Variants in ALK observed in about 807,000 individuals in gnomAD.
ALK encodes ALK receptor tyrosine kinase.
In ALK, 74 loss-of-function variants were observed where a neutral mutation model predicts 163.1. That is an observed-to-expected ratio of 0.45 (90% CI 0.38 to 0.55). ALK has a LOEUF of 0.55. Among genes scored for constraint, ALK ranks in the 20% least tolerant of loss-of-function variants. The probability of loss-of-function intolerance (pLI) is 0.00; values close to 1 mark genes in which losing one functional copy is unlikely to be tolerated. For synonymous variants in ALK, 960 were observed against 843.2 expected, an observed-to-expected ratio of 1.14 and a Z score of -2.40; for missense variants, 2,063 against 2,105.3, an observed-to-expected ratio of 0.98 and a Z score of 0.39.
chr2:29,305,630 T>C (rs1229671920), intron 8 of ALK, among the ~76,000 whole-genome samples: 1 of 152,184 alleles, frequency 6.6e-6, no homozygotes, highest in Non-Finnish European at 1.5e-5. Context: ...AGCTTGATCT[T>C]GGCAGTCAAG....
chr2:29,411,586 T>C (rs1669726379), intron 4 of ALK, among the ~76,000 whole-genome samples: 1 of 152,190 alleles, frequency 6.6e-6, no homozygotes, highest in Admixed American at 6.5e-5. Context: ...AGCTGGGAGA[T>C]GTCTTCAAAC....
In ALK at chr2:29,226,953, C is replaced by T. The variant is rs2293563; in HGVS notation, c.3036G>A (p.Thr1012=). 271,677 of 1,614,020 alleles carry T rather than the reference C, an allele frequency of 0.17. 23,683 individuals are homozygous for T. The highest frequency in any genetic ancestry group is 0.23 in the Middle Eastern group (1,395 of 6,054). Residue 1012 remains threonine (T), a synonymous_variant, in exon 18 of 29, where the codon ACG becomes ACA. Coordinates refer to ENST00000389048, the MANE Select transcript of ALK (RefSeq NM_004304.5). The part of the protein sequence containing the change: ...HKVICFCDHG[T]VLAEDGVSCI... ...AGGAGACGCCATCCTCAGCCAGCAC[C>T]GTCCCGTGGTCACAGAAGCAGATGA...
chr2:29,768,743 G>GTA (rs1553359152), intron 1 of ALK, among the ~76,000 whole-genome samples: 19 of 150,680 alleles, frequency 1.3e-4, no homozygotes, highest in African/African-American at 3.7e-4. Context: ...GTGTGTGTGT[G>GTA]TATATATGTA....
chr2:29,791,687 G>C lies in ALK; in HGVS notation c.668-73990C>G, dbSNP rs111521723. 9.4e-3 allele frequency among the ~76,000 whole-genome samples: 1,423 copies of C among 152,084 alleles called. 26 individuals carry two copies. Among genetic ancestry groups the C allele is most frequent in the African/African-American group, 0.032 (1,320 of 41,484 alleles). On this transcript the variant is annotated intron_variant, in intron 1 of 28. Coordinates refer to ENST00000389048, the MANE Select transcript of ALK (RefSeq NM_004304.5). ...TCACCACTGCCCAGATGATACTGAA[G>C]GCCTCTGGTAGACCAGATCTCTTGT...
At chr2:29,484,545 A>G (rs140568885) in intron 4 of ALK, among the ~76,000 whole-genome samples, 1,825 of 152,250 alleles carry the variant, frequency 0.012, 43 homozygotes, top group African/African-American at 0.041. Context: ...CAGTTTCATA[A>G]TTTTTAGATA....
At chr2:29,430,087 A>G (rs1670237830) in intron 4 of ALK, among the ~76,000 whole-genome samples, 1 of 152,230 alleles carries the variant, frequency 6.6e-6, no homozygotes, top group Non-Finnish European at 1.5e-5. Flanking sequence ...GGCTAAAACT[A>G]TAAAACTCTT....
intron 1 of ALK, among the ~76,000 whole-genome samples, chr2:29,772,860 C>G (rs1395386662): frequency 6.6e-6 from 1 of 152,128 alleles, no homozygotes; most frequent in East Asian, 1.9e-4. Flanking sequence ...ATTTTCCTAC[C>G]TGGTCTCATG....
intron 1 of ALK, among the ~76,000 whole-genome samples, chr2:29,889,910 C>T (rs1204708956): frequency 6.6e-6 from 1 of 152,048 alleles, no homozygotes; most frequent in Non-Finnish European, 1.5e-5. Context: ...GTTGCTGGAC[C>T]CTCTTGTGAA....
At position 29,193,877 on chromosome 2, in the gene ALK, G is replaced by C. The variant is rs757615099; in HGVS notation, c.4210C>G (p.Leu1404Val). ...GGCACTTTCTCTTCCTCTTCCACAAGTGGACCATATTCTATCGGCAAAGCG... is the reference window on the plus strand; with the variant it reads ...GGCACTTTCTCTTCCTCTTCCACAACTGGACCATATTCTATCGGCAAAGCG... ...NTALPIEYGPLVEEEEKVPVR... is the reference protein window; with the variant it reads ...NTALPIEYGPVVEEEEKVPVR... The change falls in exon 29 of 29, where the codon CTT (leucine) becomes GTT (valine). Residue 1404 changes from leucine to valine, a missense_variant. Physicochemically the swap from Leu to Val is conservative, Grantham distance 32. Transcript: ENST00000389048. 55 of 1,614,002 alleles carry C rather than the reference G, an allele frequency of 3.4e-5. No individual in the cohort carries two copies. In the East Asian group the frequency reaches 1.2e-3, roughly 35 times the overall value.
intron 3 of ALK, among the ~76,000 whole-genome samples, chr2:29,558,199 A>C (rs1437909564): frequency 6.6e-6 from 1 of 152,178 alleles, no homozygotes; most frequent in Non-Finnish European, 1.5e-5. Context: ...TGTTTATGGC[A>C]TGTGCTATAA....
At chr2:29,682,478 T>C (rs976962712) in intron 3 of ALK, among the ~76,000 whole-genome samples, 2 of 152,200 alleles carry the variant, frequency 1.3e-5, no homozygotes, top group Non-Finnish European at 2.9e-5. Flanking sequence ...TAGCAGTGAC[T>C]GCACTGAGTT....
At chr2:29,679,205 T>G (rs1677986339) in intron 3 of ALK, among the ~76,000 whole-genome samples, 1 of 151,952 alleles carries the variant, frequency 6.6e-6, no homozygotes, top group Admixed American at 6.6e-5. Flanking sequence ...GTTTGTGTGA[T>G]ATCTCTTTTC....
chr2:29,526,399 T>C (rs980278106), intron 4 of ALK, among the ~76,000 whole-genome samples: 1 of 152,338 alleles, frequency 6.6e-6, no homozygotes, highest in Non-Finnish European at 1.5e-5. Flanking sequence ...TAACAAGGTG[T>C]CTGAGAAATA....
intron 4 of ALK, among the ~76,000 whole-genome samples, chr2:29,386,329 AT>A: frequency 6.6e-6 from 1 of 152,206 alleles, no homozygotes. Context: ...ACCCAGCAGG[AT>A]TTCCATCCAC....
At chr2:29,376,646 T>C (rs1668760188) in intron 5 of ALK, among the ~76,000 whole-genome samples, 1 of 152,222 alleles carries the variant, frequency 6.6e-6, no homozygotes, top group Admixed American at 6.5e-5. Context: ...AGAGTGCCAC[T>C]GTGATCTACA....
At chr2:29,763,558 C>T (rs1268756641) in intron 1 of ALK, among the ~76,000 whole-genome samples, 3 of 151,986 alleles carry the variant, frequency 2.0e-5, no homozygotes, top group African/African-American at 7.3e-5. Context: ...TTAAACCAGG[C>T]TCAGCCCCCA....
At chr2:29,321,833 T>C (rs1464430080) in intron 6 of ALK, among the ~76,000 whole-genome samples, 1 of 152,214 alleles carries the variant, frequency 6.6e-6, no homozygotes, top group East Asian at 1.9e-4. Context: ...CTTTATATCA[T>C]CAGTGGGCTC....
chr2:29,725,649 T>A lies in ALK; in HGVS notation c.668-7952A>T, dbSNP rs369154549. 4.6e-5 allele frequency among the ~76,000 whole-genome samples: 7 copies of A among 152,338 alleles called. No individual in the cohort carries two copies. The East Asian group carries it at 1.3e-3, about 29-fold the overall frequency. On this transcript the variant is annotated intron_variant, in intron 1 of 28. Coordinates refer to ENST00000389048, the MANE Select transcript of ALK (RefSeq NM_004304.5). ...ATGTTGATTTCTTTTCTTTTTTTTTTTGCTCATTGATTTAGAAAAAATTAG... is the reference window on the plus strand; with the variant it reads ...ATGTTGATTTCTTTTCTTTTTTTTTATGCTCATTGATTTAGAAAAAATTAG...
At chr2:29,668,931 T>C (rs1014510490) in intron 3 of ALK, among the ~76,000 whole-genome samples, 1 of 152,040 alleles carries the variant, frequency 6.6e-6, no homozygotes, top group Non-Finnish European at 1.5e-5. Flanking sequence ...GTAAGACTTA[T>C]TCACTATCAC....
Sources: gnomAD v4.1 joint callset for allele counts (sites outside exome capture counted in the v4.1 genomes callset) on GRCh38, gnomAD v4.1.1 for gene constraint, MANE v1.5 for transcripts, NCBI Gene and HGNC (gene_info 2026-07-23, HGNC 2026-07-21) for gene names.